The following PSD3 variants were observed in gnomAD, a reference collection of about 807,000 sequenced individuals.
PSD3 encodes pleckstrin and Sec7 domain containing 3, also known as PH and SEC7 domain-containing protein 3.
Under a neutral mutation model 105.5 loss-of-function variants are expected in PSD3, and 49 were observed. The ratio of observed to expected loss-of-function variants is 0.46; its 90% CI spans 0.37 to 0.59. The LOEUF is 0.59. Ranked by LOEUF, PSD3 falls within the 20% of genes least tolerant of loss-of-function variation. PSD3 has a pLI of 0.00. For synonymous variants in PSD3, 557 were observed against 457.8 expected, an observed-to-expected ratio of 1.22 and a Z score of -2.77; for missense variants, 1,561 against 1,263.8, an observed-to-expected ratio of 1.24 and a Z score of -3.57.
intron 9 of PSD3, among the ~76,000 whole-genome samples, chr8:18,761,993 G>C (rs1245602092): frequency 6.6e-6 from 1 of 152,120 alleles, no homozygotes; most frequent in Admixed American, 6.6e-5. Flanking sequence ...ATGTCTTTGG[G>C]TGAAAGAAGG....
Position 18,624,642 on chromosome 8 carries a change from T to C in PSD3, c.2410+7971A>G, listed in dbSNP as rs569735498. ...CATGGCACATGTATACATATGTAAC[T>C]AACCTGCACATTGTGCACATGTACC... On this transcript the variant is annotated intron_variant, in intron 11 of 15. Coordinates refer to ENST00000327040, the MANE Select transcript of PSD3 (RefSeq NM_015310.4). 2.0e-5 allele frequency among the ~76,000 whole-genome samples: 3 copies of C among 148,394 alleles called. No individual in the cohort carries two copies. In the South Asian group the frequency reaches 6.5e-4, roughly 32 times the overall value.
intron 1 of PSD3, among the ~76,000 whole-genome samples, chr8:19,052,703 T>C (rs1249585932): frequency 6.6e-6 from 1 of 152,078 alleles, no homozygotes; most frequent in East Asian, 1.9e-4. Context: ...ATGGGTCAGA[T>C]TGTCTACACA....
At chr8:18,604,018 A>C (rs1014155935) in intron 11 of PSD3, among the ~76,000 whole-genome samples, 10 of 152,208 alleles carry the variant, frequency 6.6e-5, no homozygotes, top group Admixed American at 2.0e-4. Context: ...CAATACAGAA[A>C]ATTGGTACTG....
At chr8:18,547,223 A>C (rs1168357586) in intron 15 of PSD3, among the ~76,000 whole-genome samples, 2 of 152,154 alleles carry the variant, frequency 1.3e-5, no homozygotes, top group Admixed American at 1.3e-4. Flanking sequence ...CTAGCAGTGG[A>C]TCTGGTTTCA....
chr8:18,822,304 T>C (rs1365353524), intron 4 of PSD3, among the ~76,000 whole-genome samples: 1 of 152,144 alleles, frequency 6.6e-6, no homozygotes, highest in Non-Finnish European at 1.5e-5. Flanking sequence ...AAATAAAGTC[T>C]GTCCTGTGTC....
Position 18,947,551 on chromosome 8 carries a change from G to GC in PSD3, c.22-11410dup, listed in dbSNP as rs1427196487. 4.6e-5 allele frequency among the ~76,000 whole-genome samples: 7 copies of GC among 152,322 alleles called. No individual in the cohort carries two copies. The South Asian group carries it at 1.4e-3, about 32-fold the overall frequency. ...CCAGGCAAGGGGTCAGGGAGCGGCG[G>GC]CCATATGGGGTGGCGGGGGGCCCAG... On this transcript the variant is annotated intron_variant, in intron 1 of 15. Transcript: ENST00000327040.
chr8:18,856,647 G>A (rs903462033), intron 4 of PSD3, among the ~76,000 whole-genome samples: 14 of 152,098 alleles, frequency 9.2e-5, no homozygotes, highest in Admixed American at 2.0e-4. Flanking sequence ...CCTTGTTTGC[G>A]TTGAGGTGGG....
At chr8:18,869,100 G>A (rs569411407) in intron 3 of PSD3, among the ~76,000 whole-genome samples, 1 of 151,528 alleles carries the variant, frequency 6.6e-6, no homozygotes, top group East Asian at 1.9e-4. Flanking sequence ...GTTCTTAATG[G>A]CTTTCCACTG....
intron 4 of PSD3, among the ~76,000 whole-genome samples, chr8:18,829,390 T>C (rs1813491975): frequency 6.6e-6 from 1 of 152,244 alleles, no homozygotes; most frequent in Non-Finnish European, 1.5e-5. Flanking sequence ...AATCTTGAGA[T>C]ACATCCAAAT....
chr8:18,962,549 C>CT (rs925367037), intron 1 of PSD3, among the ~76,000 whole-genome samples: 1 of 152,042 alleles, frequency 6.6e-6, no homozygotes, highest in African/African-American at 2.4e-5. Flanking sequence ...AGTGAAATGC[C>CT]TTTTTTTACA....
chr8:18,736,586 T>G (rs1253453413), intron 9 of PSD3, among the ~76,000 whole-genome samples: 1 of 152,156 alleles, frequency 6.6e-6, no homozygotes, highest in Non-Finnish European at 1.5e-5. Context: ...GTTCCCTCCT[T>G]TGATCATCAA....
At chr8:18,949,245 ATATATATATATATATAT>A (rs1171611874) in intron 1 of PSD3, among the ~76,000 whole-genome samples, 2 of 35,258 alleles carry the variant, frequency 5.7e-5, no homozygotes, top group African/African-American at 1.3e-4. Flanking sequence ...AAAAAAAAAA[ATATATATATATATATAT>A]ATATATATAT....
At chr8:18,767,530 G>A (rs757183680) in intron 8 of PSD3, among the ~76,000 whole-genome samples, 30 of 151,884 alleles carry the variant, frequency 2.0e-4, no homozygotes, top group Non-Finnish European at 3.8e-4. Context: ...GGTAGATAAC[G>A]AGGTCAGGAG....
intron 4 of PSD3, 21 bp downstream of exon 4, chr8:18,867,649 AAATG>A (rs1352980854): frequency 1.3e-6 from 2 of 1,565,080 alleles, no homozygotes; most frequent in Non-Finnish European, 1.7e-6. Flanking sequence ...CACCAGCATG[AAATG>A]AATGAGAATG....
intron 11 of PSD3, among the ~76,000 whole-genome samples, chr8:18,630,462 A>G (rs1464791698): frequency 6.6e-6 from 1 of 151,944 alleles, no homozygotes; most frequent in African/African-American, 2.4e-5. Context: ...GTGGACAAGG[A>G]AAATTTTATC....
At chr8:18,785,665 G>A (rs2129445718) in intron 8 of PSD3, among the ~76,000 whole-genome samples, 1 of 152,250 alleles carries the variant, frequency 6.6e-6, no homozygotes, top group South Asian at 2.1e-4. Context: ...TGGTGCAAGA[G>A]GCCTAGCTTC....
At chr8:19,080,633 A>G (rs895908998) in intron 1 of PSD3, among the ~76,000 whole-genome samples, 1 of 152,268 alleles carries the variant, frequency 6.6e-6, no homozygotes, top group Middle Eastern at 3.4e-3. Flanking sequence ...CTTGCCTGTC[A>G]TGCTCATTTC....
chr8:18,598,503 ATCAG>A (rs1368061475), intron 12 of PSD3, among the ~76,000 whole-genome samples: 18 of 152,288 alleles, frequency 1.2e-4, no homozygotes, highest in Non-Finnish European at 2.1e-4. Context: ...ACATATGAAA[ATCAG>A]TCAAAGTGAT....
intron 1 of PSD3, among the ~76,000 whole-genome samples, chr8:19,062,155 C>T (rs969536694): frequency 6.6e-6 from 1 of 152,182 alleles, no homozygotes. Context: ...AAGCTGATGG[C>T]TACACAATGT....
Sources: allele counts gnomAD v4.1 joint callset (sites outside exome capture counted in the v4.1 genomes callset), GRCh38; gene constraint gnomAD v4.1.1; transcripts MANE v1.5; gene names NCBI Gene and HGNC (gene_info 2026-07-23, HGNC 2026-07-21).